Variants in TNFAIP8 observed in about 807,000 individuals in gnomAD.
TNFAIP8 encodes the protein tumor necrosis factor alpha-induced protein 8.
TNFAIP8 carries 7 observed loss-of-function variants against 13.3 expected under a neutral mutation model. The observed-to-expected ratio is 0.52, with a 90% CI of 0.30 to 0.99. TNFAIP8 has a LOEUF of 0.99. Among genes scored for constraint, TNFAIP8 ranks in the 50% least tolerant of loss-of-function variants. The pLI is 0.07. For missense variants in TNFAIP8, 258 were observed against 236.9 expected (o/e 1.09, Z -0.58); for synonymous variants, 94 against 87.6 (o/e 1.07, Z -0.41).
At chr5:119,377,790 A>G (rs570602544) in intron 1 of TNFAIP8, among the ~76,000 whole-genome samples, 1 of 152,316 alleles carries the variant, frequency 6.6e-6, no homozygotes, top group South Asian at 2.1e-4. Context: ...TCAGTTTCCA[A>G]CATACGGGTA....
chr5:119,283,001 T>C (rs1190642577), intron 1 of TNFAIP8, among the ~76,000 whole-genome samples: 1 of 152,248 alleles, frequency 6.6e-6, no homozygotes, highest in East Asian at 1.9e-4. Context: ...TGCTCCCTAT[T>C]GTGTTCCTCC....
In TNFAIP8 at chr5:119,347,865, T is replaced by C. The variant is rs374833597; in HGVS notation, c.2-44951T>C. ...CCTAAGCAGTCATCAGTTGGCACAA[T>C]TGTTAATAGATTCTACCCATGTCAG... On this transcript the variant is annotated intron_variant, in intron 1 of 1. Coordinates refer to the TNFAIP8 transcript ENST00000274456. Among the ~76,000 whole-genome samples the C allele has an allele frequency of 9.4e-4, 143 of 152,288 alleles. 1 individual carries two copies. Among genetic ancestry groups the C allele is most frequent in the African/African-American group, 3.3e-3 (136 of 41,546 alleles).
At position 119,398,847 on chromosome 5, in the gene TNFAIP8, G is replaced by A. The variant is rs993897319; in HGVS notation, c.*5466G>A. The A allele has an allele frequency of 1.3e-5, 2 of 152,184 alleles. No individual in the cohort carries two copies. The highest frequency in any genetic ancestry group is 2.9e-5 in the Non-Finnish European group (2 of 68,036). The allele number at this position is 152,184 out of a possible 1,614,324, so 9.4% of individuals were successfully genotyped here. A position where few individuals can be genotyped will look rare whatever the true frequency, so the allele number is the denominator to read the frequency against. On this transcript the variant is annotated 3_prime_UTR_variant, in exon 2 of 2. Transcript: ENST00000504771. The stretch of plus-strand genomic sequence containing the variant: ...ATGATTTATAAGAAGCTGAGGTTTC[G>A]TCTTCCTAGAAATGGACTTTTATTA...
upstream of TNFAIP8, among the ~76,000 whole-genome samples, chr5:119,351,195 T>A (rs924482386): frequency 2.0e-5 from 3 of 152,108 alleles, no homozygotes; most frequent in African/African-American, 7.2e-5. Flanking sequence ...GTTAACCTTT[T>A]AAAAATTTTT....
At position 119,283,840 on chromosome 5, in the gene TNFAIP8, C is replaced by T. The variant is rs180927696; in HGVS notation, c.1+14933C>T. Reference sequence around the variant, plus strand: ...ATGACTCTTTGCTCCTAAGAATCTTCGAGACAAATAAGGACTTGGGTTAAA... The same window carrying T: ...ATGACTCTTTGCTCCTAAGAATCTTTGAGACAAATAAGGACTTGGGTTAAA... On this transcript the variant is annotated intron_variant, in intron 1 of 1. Transcript: ENST00000274456. Among the ~76,000 whole-genome samples, 50 of 152,156 alleles carry T rather than the reference C, an allele frequency of 3.3e-4. 1 individual carries two copies. The East Asian group carries it at 5.2e-3, about 16-fold the overall frequency.
intron 1 of TNFAIP8, among the ~76,000 whole-genome samples, chr5:119,334,624 CG>C (rs1750490179): frequency 7.4e-6 from 1 of 135,694 alleles, no homozygotes; most frequent in African/African-American, 2.8e-5. Flanking sequence ...GTGATCCTTT[CG>C]TGTGTGTGTG....
At chr5:119,371,133 T>A (rs1281968636) in intron 1 of TNFAIP8, among the ~76,000 whole-genome samples, 1 of 152,216 alleles carries the variant, frequency 6.6e-6, no homozygotes, top group African/African-American at 2.4e-5. Flanking sequence ...ATTCTGTAGA[T>A]GTAGTGAAAA....
chr5:119,308,892 A>G (rs368245817), intron 1 of TNFAIP8, among the ~76,000 whole-genome samples: 42 of 150,686 alleles, frequency 2.8e-4, no homozygotes, highest in Non-Finnish European at 5.0e-4. Flanking sequence ...CTGATATTGC[A>G]CTGGAAGAGC....
chr5:119,348,880 CAAAAAAAAAAAAAAAAA>C (rs60633145), intron 1 of TNFAIP8, among the ~76,000 whole-genome samples: 1 of 90,952 alleles, frequency 1.1e-5, no homozygotes, highest in Non-Finnish European at 2.5e-5. Flanking sequence ...AACTCCATCT[CAAAAAAAAAAAAAAAAA>C]AAAAAAAAAA....
intron 1 of TNFAIP8, among the ~76,000 whole-genome samples, chr5:119,368,149 G>A (rs1206016481): frequency 6.6e-6 from 1 of 152,096 alleles, no homozygotes; most frequent in African/African-American, 2.4e-5. Context: ...TGGTCCACTT[G>A]AAATAGCATT....
intron 1 of TNFAIP8, among the ~76,000 whole-genome samples, chr5:119,301,848 G>C (rs13172873): frequency 5.4e-4 from 82 of 152,206 alleles, no homozygotes; most frequent in Admixed American, 9.8e-4. Flanking sequence ...CAGATACTGA[G>C]GATATTCCCA....
chr5:119,383,381 T>C (rs1752557656), intron 1 of TNFAIP8, among the ~76,000 whole-genome samples: 3 of 152,246 alleles, frequency 2.0e-5, no homozygotes, highest in African/African-American at 7.2e-5. Context: ...CTGATCACTC[T>C]AATCATAATA....
chr5:119,346,576 T>G (rs1750908518), intron 1 of TNFAIP8, among the ~76,000 whole-genome samples: 1 of 152,214 alleles, frequency 6.6e-6, no homozygotes, highest in Non-Finnish European at 1.5e-5. Context: ...TGAATCCCAA[T>G]ACCCTAATTT....
chr5:119,375,903 CT>C (rs1045382998), intron 1 of TNFAIP8, among the ~76,000 whole-genome samples: 4 of 151,954 alleles, frequency 2.6e-5, no homozygotes, highest in African/African-American at 9.7e-5. Flanking sequence ...AAGAATATGA[CT>C]TTTTAAAAAT....
intron 1 of TNFAIP8, among the ~76,000 whole-genome samples, chr5:119,384,781 C>G (rs945838950): frequency 7.2e-5 from 11 of 152,100 alleles, no homozygotes; most frequent in African/African-American, 2.7e-4. Context: ...GTATCAGAAA[C>G]CTAGAAGCAG....
chr5:119,384,943 G>A (rs1752616467), intron 1 of TNFAIP8, among the ~76,000 whole-genome samples: 1 of 152,132 alleles, frequency 6.6e-6, no homozygotes, highest in African/African-American at 2.4e-5. Flanking sequence ...ATAAAACTAA[G>A]CCACAGGAAT....
chr5:119,284,947 T>C (rs911412239), intron 1 of TNFAIP8, among the ~76,000 whole-genome samples: 1 of 152,214 alleles, frequency 6.6e-6, no homozygotes, highest in Non-Finnish European at 1.5e-5. Flanking sequence ...GAAGTTAAAA[T>C]TATCTAAAAA....
Position 119,377,459 on chromosome 5 carries a change from G to T in TNFAIP8, c.32-15357G>T, listed in dbSNP as rs1030632573. On this transcript the variant is annotated intron_variant, in intron 1 of 1. Coordinates refer to ENST00000504771, the MANE Select transcript of TNFAIP8 (RefSeq NM_014350.4). ...TTGGAGAAAGAGTGAGGGAATGAAT[G>T]GGGGAAAGTTTTTCTGCCATAAGGC... is the stretch of plus-strand genomic sequence containing the variant. Among the ~76,000 whole-genome samples the T allele has an allele frequency of 2.0e-5, 3 of 152,028 alleles. No individual in the cohort carries two copies. In the East Asian group the frequency reaches 5.8e-4, roughly 29 times the overall value.
chr5:119,362,519 G>C (rs547597711), intron 1 of TNFAIP8, among the ~76,000 whole-genome samples: 3 of 152,258 alleles, frequency 2.0e-5, no homozygotes, highest in African/African-American at 4.8e-5. Flanking sequence ...ATTAAGGCTA[G>C]GCACAATGGC....
Sources: allele counts gnomAD v4.1 joint callset (sites outside exome capture counted in the v4.1 genomes callset), GRCh38; gene constraint gnomAD v4.1.1; transcripts MANE v1.5; gene names NCBI Gene and HGNC (gene_info 2026-07-23, HGNC 2026-07-21).